The following RAPGEF6 variants were observed in gnomAD, a reference collection of about 807,000 sequenced individuals.
The protein encoded by RAPGEF6 is Rap guanine nucleotide exchange factor 6.
A neutral mutation model predicts 171.4 loss-of-function variants in RAPGEF6; 56 were observed. The observed-to-expected ratio is 0.33, with a 90% confidence interval of 0.26 to 0.41. The LOEUF (loss-of-function observed/expected upper bound fraction) is 0.41. Among genes scored for constraint, RAPGEF6 ranks in the 10% least tolerant of loss-of-function variants. The probability of loss-of-function intolerance (pLI) is 1.00; values close to 1 mark genes in which losing one functional copy is unlikely to be tolerated. For synonymous variants in RAPGEF6, 692 were observed against 650.1 expected, an observed-to-expected ratio of 1.06 and a Z score of -0.98; for missense variants, 1,674 against 1,921.4, an observed-to-expected ratio of 0.87 and a Z score of 2.41.
intron 6 of RAPGEF6, among the ~76,000 whole-genome samples, chr5:131,544,142 T>C (rs1408797186): frequency 6.6e-6 from 1 of 152,176 alleles, no homozygotes; most frequent in East Asian, 1.9e-4. Context: ...ACAATTTTGG[T>C]AGTTTCTTAT....
chr5:131,617,306 AC>A (rs78036585), intron 1 of RAPGEF6, among the ~76,000 whole-genome samples: 126 of 91,898 alleles, frequency 1.4e-3, no homozygotes, highest in South Asian at 0.013. Flanking sequence ...ACACACACAC[AC>A]AAAAAAAAAC....
chr5:131,488,366 A>AG (rs1459306458), intron 15 of RAPGEF6, among the ~76,000 whole-genome samples: 6 of 152,220 alleles, frequency 3.9e-5, no homozygotes, highest in Non-Finnish European at 8.8e-5. Flanking sequence ...AACCTAGGAA[A>AG]TAGTGCTAGA....
chr5:131,474,856 A>G (rs1002121295), intron 16 of RAPGEF6, among the ~76,000 whole-genome samples: 1 of 152,190 alleles, frequency 6.6e-6, no homozygotes, highest in East Asian at 1.9e-4. Context: ...AGGGTGCGAC[A>G]ACAATCCAAG....
Position 131,485,655 on chromosome 5 carries a change from T to C in RAPGEF6, c.1840+3891A>G, listed in dbSNP as rs557947753. ...TTGCTGGTAGTGGTACTTTGAATTA[T>C]GGTATTCTTCTGCGAATTGCCTGTT... On this transcript the variant is annotated intron_variant, in intron 15 of 27. Transcript: ENST00000509018. Among the ~76,000 whole-genome samples the C allele has an allele frequency of 5.9e-5, 9 of 152,312 alleles. No individual in the cohort carries two copies. The East Asian group carries it at 1.5e-3, about 26-fold the overall frequency.
intron 17 of RAPGEF6, among the ~76,000 whole-genome samples, chr5:131,471,405 T>A (rs1298602014): frequency 6.6e-6 from 1 of 152,220 alleles, no homozygotes; most frequent in East Asian, 1.9e-4. Context: ...GTTGCTATAA[T>A]AAAACATGAA....
At chr5:131,597,527 G>T (rs1198415531) in intron 3 of RAPGEF6, among the ~76,000 whole-genome samples, 1 of 152,156 alleles carries the variant, frequency 6.6e-6, no homozygotes, top group African/African-American at 2.4e-5. Context: ...GCCATGAAAA[G>T]AATGAAATCC....
chr5:131,433,879 C>T (rs1002495333), intron 24 of RAPGEF6, among the ~76,000 whole-genome samples: 1 of 152,160 alleles, frequency 6.6e-6, no homozygotes, highest in African/African-American at 2.4e-5. Context: ...TACAACTACA[C>T]ATTCAAGAAA....
intron 1 of RAPGEF6, among the ~76,000 whole-genome samples, chr5:131,609,196 C>A (rs1222824450): frequency 2.0e-5 from 3 of 152,190 alleles, no homozygotes; most frequent in African/African-American, 7.2e-5. Flanking sequence ...CTTCCAGTCA[C>A]CAGAATTGTG....
At chr5:131,446,188 G>T (rs1318663495) in intron 22 of RAPGEF6, among the ~76,000 whole-genome samples, 1 of 152,130 alleles carries the variant, frequency 6.6e-6, no homozygotes, top group East Asian at 1.9e-4. Flanking sequence ...TTACTCTTTA[G>T]GGATGAATAT....
chr5:131,625,173 A>T (rs1412173485), intron 1 of RAPGEF6, among the ~76,000 whole-genome samples: 1 of 152,166 alleles, frequency 6.6e-6, no homozygotes, highest in Non-Finnish European at 1.5e-5. Context: ...GAGGCAGGAG[A>T]ATCCCTTGAA....
chr5:131,428,695 C>T (rs1349236950), intron 27 of RAPGEF6, among the ~76,000 whole-genome samples: 2 of 152,078 alleles, frequency 1.3e-5, no homozygotes, highest in Non-Finnish European at 2.9e-5. Flanking sequence ...CTCCCGACCT[C>T]AGGTGATTCG....
chr5:131,505,472 T>C lies in RAPGEF6; in HGVS notation c.993A>G (p.Pro331=), dbSNP rs1274143438. Residue 331 remains proline, a synonymous_variant, in exon 10 of 28, where the codon CCA becomes CCG. Transcript: ENST00000509018. ...ILNGTVEISH[P]DGKVENLFMG... is the part of the protein sequence containing the mutation. ...TAAACAAATTTTCAACTTTTCCATC[T>C]GGATGACTGATTTCCACAGTGCCGT... 25 of 1,613,572 alleles carry C rather than the reference T, an allele frequency of 1.5e-5. No homozygotes were observed. The Admixed American group carries it at 3.8e-4, about 25-fold the overall frequency.
intron 11 of RAPGEF6, among the ~76,000 whole-genome samples, chr5:131,500,806 G>C (rs958609975): frequency 6.6e-6 from 1 of 152,096 alleles, no homozygotes; most frequent in Non-Finnish European, 1.5e-5. Context: ...ACTGATAGCA[G>C]AATCTAAGTA....
intron 6 of RAPGEF6, among the ~76,000 whole-genome samples, chr5:131,531,567 A>G (rs916416430): frequency 2.6e-5 from 4 of 152,194 alleles, no homozygotes; most frequent in African/African-American, 9.6e-5. Context: ...AATACTTAGA[A>G]TCATTATTTA....
chr5:131,581,422 G>A (rs1177799993), intron 4 of RAPGEF6, among the ~76,000 whole-genome samples: 8 of 151,974 alleles, frequency 5.3e-5, no homozygotes, highest in Non-Finnish European at 1.2e-4. Context: ...CAGGCCTTGG[G>A]TCTTCCGATT....
chr5:131,544,440 AC>A (rs561766908), intron 6 of RAPGEF6, among the ~76,000 whole-genome samples: 2 of 151,610 alleles, frequency 1.3e-5, no homozygotes, highest in African/African-American at 2.4e-5. Flanking sequence ...AAAGAAGCCC[AC>A]CCCCCCAAAA....
chr5:131,545,867 C>T (rs536481498), intron 6 of RAPGEF6, among the ~76,000 whole-genome samples: 2 of 152,332 alleles, frequency 1.3e-5, no homozygotes, highest in South Asian at 4.1e-4. Flanking sequence ...TTGTCAAACT[C>T]TTGACAGTAC....
intron 4 of RAPGEF6, among the ~76,000 whole-genome samples, chr5:131,566,647 G>A (rs1029012829): frequency 6.6e-6 from 1 of 151,814 alleles, no homozygotes; most frequent in Admixed American, 6.6e-5. Flanking sequence ...CTTTTGGAAT[G>A]TATGTAATAA....
chr5:131,603,736 G>A lies in RAPGEF6; in HGVS notation c.141-409C>T, dbSNP rs77872369. The stretch of plus-strand genomic sequence containing the variant: ...ATCAGTTTGCAATAAAAAATATTTT[G>A]AGTATTACAAAATGCTAATTTTTCA... On this transcript the variant is annotated intron_variant, in intron 2 of 27. Coordinates refer to ENST00000509018, the MANE Select transcript of RAPGEF6 (RefSeq NM_016340.6). 2.6e-5 allele frequency among the ~76,000 whole-genome samples: 4 copies of A among 151,928 alleles called. No homozygotes were observed. In the South Asian group the frequency reaches 8.3e-4, roughly 32 times the overall value.
Sources: gnomAD v4.1 joint callset for allele counts (sites outside exome capture counted in the v4.1 genomes callset) on GRCh38, gnomAD v4.1.1 for gene constraint, MANE v1.5 for transcripts, NCBI Gene and HGNC (gene_info 2026-07-23, HGNC 2026-07-21) for gene names.